The following GLI2 variants were observed in gnomAD, a reference collection of about 807,000 sequenced individuals.
The protein encoded by GLI2 is GLI family zinc finger 2.
In GLI2, 22 loss-of-function variants were observed where a neutral mutation model predicts 78.9. That is an observed-to-expected ratio of 0.28 (90% CI 0.20 to 0.40). The LOEUF is 0.40. GLI2 is among the 10% of genes least tolerant of loss of function. GLI2 has a pLI of 1.00. For missense variants in GLI2, 2,097 were observed against 2,213.2 expected (o/e 0.95, Z 1.05); for synonymous variants, 974 against 963.7 (o/e 1.01, Z -0.20).
chr2:120,887,946 A>G (rs1418048429), intron 2 of GLI2, among the ~76,000 whole-genome samples: 1 of 152,192 alleles, frequency 6.6e-6, no homozygotes, highest in Admixed American at 6.5e-5. Context: ...CAAGCCAGGG[A>G]GAGGGGAGCT....
At position 120,950,081 on chromosome 2, in the gene GLI2, C is replaced by T. The variant is rs575277576; in HGVS notation, c.255-1162C>T. Among the ~76,000 whole-genome samples, 10 of 152,286 alleles carry T rather than the reference C, an allele frequency of 6.6e-5. No homozygotes were observed. In the South Asian group the frequency reaches 1.7e-3, roughly 25 times the overall value. Reference sequence around the variant, plus strand: ...AACAGCAGTTCTCCTTTCATGACTGCCTGCCATGTCTCTGGCACAGTTTTG... The same window carrying T: ...AACAGCAGTTCTCCTTTCATGACTGTCTGCCATGTCTCTGGCACAGTTTTG... On this transcript the variant is annotated intron_variant, in intron 3 of 13. Transcript: ENST00000361492.
At chr2:120,769,516 T>G (rs777728429) in intron 1 of GLI2, among the ~76,000 whole-genome samples, 3 of 152,186 alleles carry the variant, frequency 2.0e-5, no homozygotes, top group Non-Finnish European at 4.4e-5. Flanking sequence ...TCCCAGCTAC[T>G]GGGGAGTTGT....
chr2:120,945,957 T>TCACACACACACACA (rs3223143), intron 3 of GLI2, among the ~76,000 whole-genome samples: 22,984 of 133,938 alleles, frequency 0.17, 2,432 homozygotes, highest in Middle Eastern at 0.26. Context: ...CATAACCTTC[T>TCACACACACACACA]CACACACACA....
At chr2:120,876,001 T>G (rs982803938) in intron 2 of GLI2, among the ~76,000 whole-genome samples, 2 of 152,056 alleles carry the variant, frequency 1.3e-5, no homozygotes, top group Admixed American at 6.6e-5. Flanking sequence ...GCTGAGACAA[T>G]TGGTTATGGA....
At chr2:120,822,610 G>A (rs1057444689) in intron 2 of GLI2, among the ~76,000 whole-genome samples, 15 of 152,178 alleles carry the variant, frequency 9.9e-5, no homozygotes, top group African/African-American at 3.6e-4. Flanking sequence ...GATGACTGTG[G>A]AAAAGCCCAA....
At position 120,968,686 on chromosome 2, in the gene GLI2, G is replaced by C. The variant is rs377244467; in HGVS notation, c.644-28G>C. The C allele has an allele frequency of 4.4e-4, 680 of 1,536,256 alleles. No homozygotes were observed. The highest frequency in any genetic ancestry group is 5.9e-4 in the Non-Finnish European group (652 of 1,110,450). ...CCCCTCCCCCATCCCCAGTGATGCT[G>C]ACCTGTCTTGTGTTGACTATCCCAC... On this transcript the variant is annotated intron_variant, in intron 5 of 13. Coordinates refer to ENST00000361492, the MANE Select transcript of GLI2 (RefSeq NM_001374353.1).
At chr2:120,806,477 G>A (rs953662784) in intron 2 of GLI2, among the ~76,000 whole-genome samples, 2 of 152,108 alleles carry the variant, frequency 1.3e-5, no homozygotes, top group South Asian at 2.1e-4. Context: ...GGGGACATTC[G>A]GGGTTCCACC....
At chr2:120,982,043 A>C (rs1439581277) in intron 10 of GLI2, among the ~76,000 whole-genome samples, 1 of 152,212 alleles carries the variant, frequency 6.6e-6, no homozygotes, top group African/African-American at 2.4e-5. Flanking sequence ...GTGATTGAGA[A>C]TATCAGAAAA....
At chr2:120,808,994 C>T (rs868508876) in intron 2 of GLI2, among the ~76,000 whole-genome samples, 2 of 152,090 alleles carry the variant, frequency 1.3e-5, no homozygotes, top group Non-Finnish European at 2.9e-5. Context: ...GGAGGGAGGA[C>T]CCACCAGTTC....
In GLI2 at chr2:120,856,045, A is replaced by G. The variant is rs1051304354; in HGVS notation, c.148+58577A>G. Among the ~76,000 whole-genome samples the G allele has an allele frequency of 2.0e-4, 31 of 152,160 alleles. 1 individual carries two copies. The highest frequency in any genetic ancestry group is 1.6e-3 in the Admixed American group (25 of 15,286). On this transcript the variant is annotated intron_variant, in intron 2 of 13. Coordinates refer to ENST00000361492, the MANE Select transcript of GLI2 (RefSeq NM_001374353.1). ...AAGCAAGGTCACTGTGCTTGTCCCC[A>G]GTTTACAAAGGGGTCATTTGAGGCT...
intron 2 of GLI2, among the ~76,000 whole-genome samples, chr2:120,856,260 G>T (rs1417243296): frequency 6.6e-6 from 1 of 152,186 alleles, no homozygotes; most frequent in Non-Finnish European, 1.5e-5. Flanking sequence ...GGCAGGGGGT[G>T]CCCACCTCTA....
At chr2:120,939,728 C>T (rs1573637743) in intron 3 of GLI2, among the ~76,000 whole-genome samples, 2 of 152,180 alleles carry the variant, frequency 1.3e-5, no homozygotes, top group East Asian at 3.8e-4. Context: ...TGCAGAAACA[C>T]TTTTATACCA....
At chr2:120,757,094 C>T (rs1444193051) in intron 1 of GLI2, among the ~76,000 whole-genome samples, 1 of 152,158 alleles carries the variant, frequency 6.6e-6, no homozygotes, top group Non-Finnish European at 1.5e-5. Flanking sequence ...TTCCATGTCT[C>T]CACTTAACTC....
In GLI2 at chr2:120,737,421, G is replaced by C. The variant is rs1043538793; in HGVS notation, c.-31+1136G>C. The stretch of plus-strand genomic sequence containing the variant: ...TCTCGGGGACCTCGAGCCCCCCCGA[G>C]GGTGCCTCTTTCCACTACCTTCTCT... On this transcript the variant is annotated intron_variant, in intron 1 of 13. Transcript: ENST00000361492. The surrounding 1 kb of genome is among the most constrained non-coding windows in gnomAD (Gnocchi z 4.3). 1.3e-5 allele frequency among the ~76,000 whole-genome samples: 2 copies of C among 152,178 alleles called. No individual in the cohort carries two copies. Among genetic ancestry groups the C allele is most frequent in the African/African-American group, 4.8e-5 (2 of 41,450 alleles).
intron 13 of GLI2, among the ~76,000 whole-genome samples, chr2:120,987,907 A>ATGTTTACATATG (rs1683053462): frequency 6.6e-6 from 1 of 152,116 alleles, no homozygotes; most frequent in Admixed American, 6.5e-5. Flanking sequence ...TTGTTTACAT[A>ATGTTTACATATG]TTGCTTTTTC....
chr2:120,898,620 C>T (rs1482231774), intron 2 of GLI2, among the ~76,000 whole-genome samples: 1 of 152,118 alleles, frequency 6.6e-6, no homozygotes, highest in Non-Finnish European at 1.5e-5. Flanking sequence ...ATCTGTGTTA[C>T]TTTGTAAAGA....
chr2:120,976,179 C>T (rs77136288), intron 9 of GLI2, among the ~76,000 whole-genome samples: 2,141 of 152,312 alleles, frequency 0.014, 59 homozygotes, highest in African/African-American at 0.049. Context: ...CACACACGCA[C>T]GTGCACACAC....
chr2:120,979,599 A>G (rs189439547), intron 10 of GLI2, among the ~76,000 whole-genome samples: 15 of 152,346 alleles, frequency 9.8e-5, no homozygotes, highest in African/African-American at 3.1e-4. Flanking sequence ...AATAGCTGAC[A>G]TACCATAAAG....
At chr2:120,958,407 C>T (rs1681381640) in intron 5 of GLI2, among the ~76,000 whole-genome samples, 1 of 152,188 alleles carries the variant, frequency 6.6e-6, no homozygotes, top group Non-Finnish European at 1.5e-5. Context: ...TTCTCCCAGA[C>T]CTTTTCCTTG....
Sources: gnomAD v4.1 joint callset for allele counts (sites outside exome capture counted in the v4.1 genomes callset) on GRCh38, gnomAD v4.1.1 for gene constraint, Gnocchi (gnomAD v3.1) non-coding constraint, MANE v1.5 for transcripts, NCBI Gene and HGNC (gene_info 2026-07-23, HGNC 2026-07-21) for gene names.